Variants in ROBO2 observed in about 807,000 individuals in gnomAD.
ROBO2 encodes the protein roundabout homolog 2.
A neutral mutation model predicts 160.8 loss-of-function variants in ROBO2; 53 were observed. The ratio of observed to expected loss-of-function variants is 0.33; its 90% CI spans 0.26 to 0.41. The LOEUF is 0.41. Among genes scored for constraint, ROBO2 ranks in the 10% least tolerant of loss-of-function variants. The probability of loss-of-function intolerance (pLI) is 1.00; values close to 1 mark genes in which losing one functional copy is unlikely to be tolerated. For missense variants in ROBO2, 1,577 were observed against 1,722.4 expected, an observed-to-expected ratio of 0.92 and a Z score of 1.49; for synonymous variants, 664 against 611.7, an observed-to-expected ratio of 1.09 and a Z score of -1.26.
intron 2 of ROBO2, among the ~76,000 whole-genome samples, chr3:76,683,298 A>G (rs1178912672): frequency 6.6e-6 from 1 of 152,102 alleles, no homozygotes; most frequent in Non-Finnish European, 1.5e-5. Flanking sequence ...TACTTGGTCA[A>G]AAACCATTTC....
intron 2 of ROBO2, among the ~76,000 whole-genome samples, chr3:76,236,605 CTG>C (rs1359258812): frequency 6.6e-6 from 1 of 152,098 alleles, no homozygotes; most frequent in East Asian, 1.9e-4. Context: ...ATTTCCAACT[CTG>C]TAAATCTTAC....
chr3:75,939,857 G>A (rs1384300337), intron 2 of ROBO2, among the ~76,000 whole-genome samples: 6 of 151,864 alleles, frequency 4.0e-5, no homozygotes, highest in Non-Finnish European at 8.8e-5. Flanking sequence ...AAATCTCATA[G>A]CTCCTTATTA....
chr3:77,409,099 A>ATG (rs1553942358), intron 2 of ROBO2, among the ~76,000 whole-genome samples: 2 of 113,872 alleles, frequency 1.8e-5, no homozygotes, highest in Non-Finnish European at 3.6e-5. Context: ...ATACATATAT[A>ATG]TATGTATATA....
intron 2 of ROBO2, among the ~76,000 whole-genome samples, chr3:76,955,857 G>A (rs2079212889): frequency 6.6e-6 from 1 of 150,798 alleles, no homozygotes; most frequent in Non-Finnish European, 1.5e-5. Context: ...GAACCCGGGA[G>A]GCGGAGACAG....
In ROBO2 at chr3:76,153,662, G is replaced by T. The variant is rs550521132; in HGVS notation, c.109+216060G>T. On this transcript the variant is annotated intron_variant, in intron 2 of 26. Coordinates refer to the ROBO2 transcript ENST00000487694. ...ATCCTCATGGCTTAACATAAAATGG[G>T]TTTGTTTTTCCCTCACATGGAGCCC... Among the ~76,000 whole-genome samples the T allele has an allele frequency of 2.6e-5, 4 of 152,230 alleles. No individual in the cohort carries two copies. In the South Asian group the frequency reaches 8.3e-4, roughly 32 times the overall value.
intron 1 of ROBO2, among the ~76,000 whole-genome samples, chr3:77,065,437 T>A (rs1393611955): frequency 6.6e-6 from 1 of 152,192 alleles, no homozygotes; most frequent in Non-Finnish European, 1.5e-5. Flanking sequence ...GTATTTTTTG[T>A]ATCTAAACCC....
intron 2 of ROBO2, among the ~76,000 whole-genome samples, chr3:76,101,691 T>TCCCCCCCCCC (rs567450621): frequency 9.3e-6 from 1 of 107,360 alleles, no homozygotes; most frequent in Non-Finnish European, 1.9e-5. Context: ...ATGCTATCCC[T>TCCCCCCCCCC]CCCCCCTCCC....
At chr3:77,629,137 T>C (rs1330416073) in intron 23 of ROBO2, 1 of 152,186 alleles carries the variant, frequency 6.6e-6, no homozygotes, top group Non-Finnish European at 1.5e-5. Flanking sequence ...AAGTAGTCCA[T>C]TTGTTTAGAG....
At chr3:77,437,478 A>G (rs891628927) in intron 2 of ROBO2, among the ~76,000 whole-genome samples, 4 of 151,972 alleles carry the variant, frequency 2.6e-5, no homozygotes, top group Admixed American at 6.6e-5. Flanking sequence ...TACATTATAG[A>G]TAATACATAG....
chr3:76,122,211 G>C (rs566130220), intron 2 of ROBO2, among the ~76,000 whole-genome samples: 2 of 151,844 alleles, frequency 1.3e-5, no homozygotes, highest in Non-Finnish European at 2.9e-5. Flanking sequence ...TTTAGAGTCA[G>C]TCAAACATGA....
intron 1 of ROBO2, among the ~76,000 whole-genome samples, chr3:77,066,420 A>C (rs147683170): frequency 6.6e-6 from 1 of 152,292 alleles, no homozygotes; most frequent in African/African-American, 2.4e-5. Flanking sequence ...ATTGGCTTCA[A>C]AGTCAACTCT....
intron 2 of ROBO2, among the ~76,000 whole-genome samples, chr3:75,943,782 G>A (rs1948157277): frequency 6.6e-6 from 1 of 151,956 alleles, no homozygotes; most frequent in Non-Finnish European, 1.5e-5. Context: ...GCTCACTGCA[G>A]CCTCCACCTC....
intron 2 of ROBO2, among the ~76,000 whole-genome samples, chr3:76,035,043 C>T (rs60405340): frequency 0.053 from 8,135 of 152,082 alleles, 775 homozygotes; most frequent in African/African-American, 0.18. Context: ...TCTTTATAAT[C>T]GCCTCCTCTT....
At chr3:77,204,922 G>C (rs1056935321) in intron 2 of ROBO2, among the ~76,000 whole-genome samples, 4 of 152,220 alleles carry the variant, frequency 2.6e-5, no homozygotes, top group Non-Finnish European at 4.4e-5. Flanking sequence ...GCCTGTGACA[G>C]GGGTGTAGCT....
At chr3:77,432,212 C>T (rs1273868192) in intron 2 of ROBO2, among the ~76,000 whole-genome samples, 3 of 152,134 alleles carry the variant, frequency 2.0e-5, no homozygotes, top group Non-Finnish European at 4.4e-5. Flanking sequence ...CAAGCTAAAA[C>T]AGTGGCATTT....
At chr3:75,991,431 A>T (rs1173970042) in intron 2 of ROBO2, among the ~76,000 whole-genome samples, 1 of 152,068 alleles carries the variant, frequency 6.6e-6, no homozygotes. Context: ...TGATGGTTAT[A>T]AATCATGAGT....
chr3:76,763,129 A>C (rs1392805561), intron 2 of ROBO2, among the ~76,000 whole-genome samples: 1 of 151,594 alleles, frequency 6.6e-6, no homozygotes, highest in Admixed American at 6.6e-5. Context: ...GACAATTGAA[A>C]ATACTATCTT....
chr3:77,077,334 G>A (rs181609767), intron 1 of ROBO2, among the ~76,000 whole-genome samples: 33 of 152,288 alleles, frequency 2.2e-4, no homozygotes, highest in African/African-American at 7.9e-4. Flanking sequence ...TATTATTATA[G>A]TATCATTGAA....
At chr3:76,721,619 A>G (rs1228816268) in intron 2 of ROBO2, among the ~76,000 whole-genome samples, 3 of 152,136 alleles carry the variant, frequency 2.0e-5, no homozygotes, top group African/African-American at 7.2e-5. Context: ...ATCATATGTG[A>G]CTGTCTAAAG....
Sources: gnomAD v4.1 joint callset for allele counts (sites outside exome capture counted in the v4.1 genomes callset) on GRCh38, gnomAD v4.1.1 for gene constraint, MANE v1.5 for transcripts, NCBI Gene and HGNC (gene_info 2026-07-23, HGNC 2026-07-21) for gene names.